Variants in RIT2 observed in about 807,000 individuals in gnomAD.
The protein encoded by RIT2 is GTP-binding protein Rit2.
In RIT2, 24 loss-of-function variants were observed where a neutral mutation model predicts 23.7. The ratio of observed to expected loss-of-function variants is 1.01; its 90% CI spans 0.73 to 1.43. The LOEUF (loss-of-function observed/expected upper bound fraction) is 1.43. Ranked by LOEUF, RIT2 falls within the 40% of genes most tolerant of loss-of-function variation. The pLI is 0.00. For synonymous variants in RIT2, 107 were observed against 91.1 expected (o/e 1.17, Z -0.99); for missense variants, 236 against 266.9 (o/e 0.88, Z 0.81).
chr18:42,981,354 T>C (rs1910593556), intron 2 of RIT2, among the ~76,000 whole-genome samples: 1 of 152,142 alleles, frequency 6.6e-6, no homozygotes. Context: ...ACTTTTATGA[T>C]CAAGGCAATT....
intron 4 of RIT2, among the ~76,000 whole-genome samples, chr18:42,865,765 T>A (rs186489805): frequency 2.6e-5 from 4 of 152,268 alleles, no homozygotes; most frequent in African/African-American, 9.6e-5. Context: ...AGACTAAATC[T>A]AACTCTGAGC....
At chr18:43,086,669 C>T (rs930924686) in intron 1 of RIT2, among the ~76,000 whole-genome samples, 9 of 152,044 alleles carry the variant, frequency 5.9e-5, no homozygotes, top group African/African-American at 1.4e-4. Flanking sequence ...CAGGGGCTCC[C>T]GTGACCAGTG....
At chr18:43,022,523 CA>C (rs1462559792) in intron 2 of RIT2, among the ~76,000 whole-genome samples, 1 of 151,910 alleles carries the variant, frequency 6.6e-6, no homozygotes, top group Non-Finnish European at 1.5e-5. Flanking sequence ...GTCATTTGAC[CA>C]TAACATATTC....
At chr18:42,915,775 C>T (rs1477838539) in intron 4 of RIT2, among the ~76,000 whole-genome samples, 1 of 151,824 alleles carries the variant, frequency 6.6e-6, no homozygotes, top group Non-Finnish European at 1.5e-5. Flanking sequence ...ATCTGTAACA[C>T]TTTCAACATT....
chr18:43,094,488 A>T (rs1913503906), intron 1 of RIT2, among the ~76,000 whole-genome samples: 2 of 151,990 alleles, frequency 1.3e-5, no homozygotes. Flanking sequence ...GTTAAAAAAG[A>T]CTTTCAAGGA....
intron 3 of RIT2, among the ~76,000 whole-genome samples, chr18:42,968,232 C>A (rs1245367420): frequency 2.6e-5 from 4 of 152,082 alleles, no homozygotes; most frequent in African/African-American, 7.2e-5. Flanking sequence ...AGCCACTGTA[C>A]TGGAGGAGAG....
At chr18:43,064,204 A>G (rs747876334) in intron 1 of RIT2, among the ~76,000 whole-genome samples, 1 of 152,210 alleles carries the variant, frequency 6.6e-6, no homozygotes, top group African/African-American at 2.4e-5. Flanking sequence ...AAATTAAGGT[A>G]GGAAAAATGC....
At chr18:42,858,323 C>T (rs1166880532) in intron 4 of RIT2, among the ~76,000 whole-genome samples, 3 of 152,172 alleles carry the variant, frequency 2.0e-5, no homozygotes, top group Non-Finnish European at 4.4e-5. Flanking sequence ...GCTCTGGAAT[C>T]TAAGAGCTCT....
intron 1 of RIT2, among the ~76,000 whole-genome samples, chr18:43,110,129 G>A (rs770076462): frequency 1.1e-4 from 17 of 151,818 alleles, no homozygotes; most frequent in Non-Finnish European, 2.1e-4. Flanking sequence ...AATTTTATGC[G>A]ATAATATCTT....
At chr18:42,806,944 C>T (rs1905700864) in intron 4 of RIT2, among the ~76,000 whole-genome samples, 1 of 152,158 alleles carries the variant, frequency 6.6e-6, no homozygotes, top group Non-Finnish European at 1.5e-5. Context: ...AATTATTATT[C>T]TCTGAAGGAA....
chr18:42,826,487 A>C (rs565734700), intron 4 of RIT2, among the ~76,000 whole-genome samples: 2 of 152,088 alleles, frequency 1.3e-5, no homozygotes, highest in African/African-American at 4.8e-5. Context: ...AATCAACCAA[A>C]CAACCAATCT....
intron 1 of RIT2, among the ~76,000 whole-genome samples, chr18:43,035,327 A>G (rs1158987185): frequency 6.6e-6 from 1 of 152,192 alleles, no homozygotes; most frequent in Non-Finnish European, 1.5e-5. Context: ...AACGTTCCTT[A>G]CAGATAGCCT....
chr18:42,819,302 C>T (rs1339523445), intron 4 of RIT2, among the ~76,000 whole-genome samples: 1 of 152,014 alleles, frequency 6.6e-6, no homozygotes, highest in African/African-American at 2.4e-5. Context: ...ACACTTAATG[C>T]TGAAAACTCT....
At chr18:43,021,174 A>C (rs573217348) in intron 2 of RIT2, among the ~76,000 whole-genome samples, 1 of 152,230 alleles carries the variant, frequency 6.6e-6, no homozygotes, top group East Asian at 1.9e-4. Context: ...GCAAAAAAGT[A>C]AATTAATTAA....
chr18:42,791,373 T>C (rs1485086248), intron 4 of RIT2, among the ~76,000 whole-genome samples: 1 of 152,212 alleles, frequency 6.6e-6, no homozygotes, highest in Non-Finnish European at 1.5e-5. Flanking sequence ...ACTCTGTACG[T>C]GACTGGGTAC....
intron 1 of RIT2, among the ~76,000 whole-genome samples, chr18:43,081,804 G>A (rs1483038565): frequency 6.6e-6 from 1 of 152,088 alleles, no homozygotes; most frequent in Non-Finnish European, 1.5e-5. Context: ...AAACTTCAAT[G>A]TGAGTTTCAA....
rs150057552 is a variant in RIT2 at position 42,911,269 on chromosome 18, A to G, written c.426+12303T>C. 6.4e-3 allele frequency among the ~76,000 whole-genome samples: 973 copies of G among 152,138 alleles called. 6 individuals are homozygous for G. Among genetic ancestry groups the G allele is most frequent in the African/African-American group, 0.022 (901 of 41,562 alleles). On this transcript the variant is annotated intron_variant, in intron 4 of 4. Coordinates refer to ENST00000326695, the MANE Select transcript of RIT2 (RefSeq NM_002930.4). ...ACAAAATATATTTATAAGAAGACAT[A>G]AAGAAGAGCTAAATAAATTCAAAAC... is the stretch of plus-strand genomic sequence containing the variant.
intron 4 of RIT2, among the ~76,000 whole-genome samples, chr18:42,899,099 T>G (rs1309256399): frequency 2.0e-5 from 3 of 151,932 alleles, no homozygotes; most frequent in African/African-American, 7.2e-5. Context: ...AATCAAACAT[T>G]CACACAATAG....
At chr18:43,106,659 A>T (rs1018432263) in intron 1 of RIT2, among the ~76,000 whole-genome samples, 1 of 152,154 alleles carries the variant, frequency 6.6e-6, no homozygotes, top group Non-Finnish European at 1.5e-5. Flanking sequence ...TCCTTCATGC[A>T]TACTTTAGGA....
Sources: allele counts gnomAD v4.1 joint callset (sites outside exome capture counted in the v4.1 genomes callset), GRCh38; gene constraint gnomAD v4.1.1; transcripts MANE v1.5; gene names NCBI Gene and HGNC (gene_info 2026-07-23, HGNC 2026-07-21).